SPTLC2: variants seen among roughly 807,000 people sequenced by gnomAD.
SPTLC2 encodes serine palmitoyltransferase long chain base subunit 2, also known as serine palmitoyltransferase 2.
In SPTLC2, 21 loss-of-function variants were observed where a neutral mutation model predicts 62.0. The observed-to-expected ratio is 0.34, with a 90% confidence interval of 0.24 to 0.49. The LOEUF (loss-of-function observed/expected upper bound fraction) is 0.49. SPTLC2 is among the 20% of genes least tolerant of loss of function. SPTLC2 has a pLI of 0.99. For missense variants in SPTLC2, 511 were observed against 713.0 expected (o/e 0.72, Z 3.23); for synonymous variants, 261 against 261.8 (o/e 1.00, Z 0.03).
At chr14:77,590,254 A>G (rs2079808570) in intron 2 of SPTLC2, among the ~76,000 whole-genome samples, 1 of 152,202 alleles carries the variant, frequency 6.6e-6, no homozygotes, top group African/African-American at 2.4e-5. Flanking sequence ...TTGAAATTAC[A>G]GGTGTGAGCT....
rs919689470 is a variant in SPTLC2, at chr14:77,509,627, C to T, written c.*2657G>A. The T allele has an allele frequency of 2.9e-6, 1 of 346,112 alleles. No homozygotes were observed. Among genetic ancestry groups the T allele is most frequent in the South Asian group, 1.5e-4 (1 of 6,522 alleles). The allele number at this position is 346,112 out of a possible 1,614,324, so 21.4% of individuals were successfully genotyped here. On this transcript the variant is annotated 3_prime_UTR_variant, in exon 12 of 12. Transcript: ENST00000216484. Reference sequence around the variant, plus strand: ...ACTACTCTTGTATGCCTCAAATCGACTTATTCTCAATGACTGTATTTATAT... The same window carrying T: ...ACTACTCTTGTATGCCTCAAATCGATTTATTCTCAATGACTGTATTTATAT...
chr14:77,569,625 C>T (rs971869161), intron 5 of SPTLC2, among the ~76,000 whole-genome samples: 2 of 151,130 alleles, frequency 1.3e-5, no homozygotes, highest in African/African-American at 4.9e-5. Context: ...ATATACCATT[C>T]CTAAGTGTCA....
chr14:77,565,282 A>C (rs779142226), intron 5 of SPTLC2, among the ~76,000 whole-genome samples: 1 of 151,190 alleles, frequency 6.6e-6, no homozygotes, highest in Non-Finnish European at 1.5e-5. Flanking sequence ...CACCAAGGTA[A>C]TAACTGCCAC....
intron 5 of SPTLC2, among the ~76,000 whole-genome samples, chr14:77,566,756 G>A (rs1264670860): frequency 6.6e-6 from 1 of 152,046 alleles, no homozygotes; most frequent in East Asian, 1.9e-4. Context: ...CACCGCGCCC[G>A]GCCACAAAAT....
At chr14:77,575,348 T>C (rs998831500) in intron 4 of SPTLC2, among the ~76,000 whole-genome samples, 3 of 152,238 alleles carry the variant, frequency 2.0e-5, no homozygotes, top group Non-Finnish European at 2.9e-5. Context: ...AGAGTTGCTA[T>C]GGAAGATTAA....
intron 9 of SPTLC2, among the ~76,000 whole-genome samples, chr14:77,531,796 G>GCCACTGCAC (rs2079442505): frequency 6.6e-6 from 1 of 152,116 alleles, no homozygotes; most frequent in African/African-American, 2.4e-5. Flanking sequence ...ACAGGCGTGA[G>GCCACTGCAC]CCACTGCACC....
intron 7 of SPTLC2, among the ~76,000 whole-genome samples, chr14:77,555,951 G>A (rs974267004): frequency 2.0e-5 from 3 of 152,098 alleles, no homozygotes; most frequent in Non-Finnish European, 4.4e-5. Context: ...TCTGACAACT[G>A]TATCTGTGGC....
intron 9 of SPTLC2, among the ~76,000 whole-genome samples, chr14:77,548,010 C>G (rs572487887): frequency 6.6e-6 from 1 of 150,996 alleles, no homozygotes; most frequent in South Asian, 2.1e-4. Flanking sequence ...TGAGCCAAAC[C>G]TAGTTTTAAT....
chr14:77,529,620 CTTTTTTTTTTTTT>C (rs71452856), intron 9 of SPTLC2, among the ~76,000 whole-genome samples: 1 of 76,048 alleles, frequency 1.3e-5, no homozygotes, highest in South Asian at 5.7e-4. Context: ...TTCTTTCTTT[CTTTTTTTTTTTTT>C]TTTTTTTTTG....
At chr14:77,579,889 T>G (rs2079738412) in intron 2 of SPTLC2, among the ~76,000 whole-genome samples, 1 of 152,192 alleles carries the variant, frequency 6.6e-6, no homozygotes, top group African/African-American at 2.4e-5. Context: ...TTCATGAATG[T>G]AGAGCACAAG....
Position 77,517,036 on chromosome 14 carries a change from C to T in SPTLC2, c.1569+1002G>A, listed in dbSNP as rs1028830521. On this transcript the variant is annotated intron_variant, in intron 11 of 11. Coordinates refer to ENST00000216484, the MANE Select transcript of SPTLC2 (RefSeq NM_004863.4). The stretch of plus-strand genomic sequence containing the variant: ...CTGAGGCAGGCGGATCACCTGAGGT[C>T]GGGAGTTCGAGACCAGCCTGACCAA... 3.9e-5 allele frequency among the ~76,000 whole-genome samples: 6 copies of T among 152,156 alleles called. No homozygotes were observed. The East Asian group carries it at 7.7e-4, about 20-fold the overall frequency.
At chr14:77,595,770 CT>C (rs760264386) in intron 2 of SPTLC2, among the ~76,000 whole-genome samples, 1 of 152,204 alleles carries the variant, frequency 6.6e-6, no homozygotes, top group Non-Finnish European at 1.5e-5. Context: ...TCAGCGTTGA[CT>C]TTGCTCACCC....
At chr14:77,555,231 A>C (rs1457747880) in intron 8 of SPTLC2, 69 bp downstream of exon 8, 2 of 1,592,914 alleles carry the variant, frequency 1.3e-6, no homozygotes, top group African/African-American at 2.7e-5. Context: ...CCCATCTGCT[A>C]GGCCTGAGGT....
In SPTLC2 at chr14:77,569,378, T is replaced by G. The variant is rs528393272; in HGVS notation, c.756+1006A>C. On this transcript the variant is annotated intron_variant, in intron 5 of 11. Transcript: ENST00000216484. ...TTATCAACACAGGTGGGTTTAAATCTCCTATCTTGCTGTTTGTTTTCTATT... is the reference window on the plus strand; with the variant it reads ...TTATCAACACAGGTGGGTTTAAATCGCCTATCTTGCTGTTTGTTTTCTATT... Among the ~76,000 whole-genome samples, 3 of 152,314 alleles carry G rather than the reference T, an allele frequency of 2.0e-5. No homozygotes were observed. The South Asian group carries it at 6.2e-4, about 32-fold the overall frequency.
At chr14:77,595,186 G>A (rs551290428) in intron 2 of SPTLC2, among the ~76,000 whole-genome samples, 1 of 152,208 alleles carries the variant, frequency 6.6e-6, no homozygotes, top group South Asian at 2.1e-4. Context: ...CCAACATGGT[G>A]AAACCTCGTT....
At position 77,512,207 on chromosome 14, in the gene SPTLC2, G is replaced by A; in HGVS notation, c.*77C>T. 1 of 1,606,914 alleles carries A rather than the reference G, an allele frequency of 6.2e-7. No individual in the cohort carries two copies. The highest frequency in any genetic ancestry group is 8.5e-7 in the Non-Finnish European group (1 of 1,175,628). ...CACGTGAGATGGCCACAGAAGTGTG[G>A]TTCCTGGAACTGGCTCACAAAGGCC... is the stretch of plus-strand genomic sequence containing the variant. On this transcript the variant is annotated 3_prime_UTR_variant, in exon 12 of 12. Coordinates refer to ENST00000216484, the MANE Select transcript of SPTLC2 (RefSeq NM_004863.4).
chr14:77,591,725 TG>T lies in SPTLC2; in HGVS notation c.327+5460del, dbSNP rs1201617188. Among the ~76,000 whole-genome samples, 192 of 102,046 alleles carry T rather than the reference TG, an allele frequency of 1.9e-3. 2 individuals carry two copies. In the East Asian group the frequency reaches 0.094, roughly 50 times the overall value. 66.9% of individuals were successfully genotyped at this position (102,046 alleles called of 152,430 possible). A position where few individuals can be genotyped will look rare whatever the true frequency, so the allele number is the denominator to read the frequency against. On this transcript the variant is annotated intron_variant, in intron 2 of 11. Transcript: ENST00000216484. ...ATGTATGTATGTATGTATGTATGTA[TG>T]TATGTATTTATTTTTAGACGGAGTT...
At chr14:77,528,846 G>A (rs1280905428) in intron 9 of SPTLC2, among the ~76,000 whole-genome samples, 2 of 151,712 alleles carry the variant, frequency 1.3e-5, no homozygotes, top group East Asian at 3.9e-4. Context: ...TTTTTTGTTT[G>A]TTTTTTGAGA....
chr14:77,575,201 C>G (rs2079707952), intron 4 of SPTLC2, among the ~76,000 whole-genome samples: 1 of 152,172 alleles, frequency 6.6e-6, no homozygotes, highest in South Asian at 2.1e-4. Flanking sequence ...GCCTGGGCAA[C>G]AGAGACCCTG....
Sources: allele counts gnomAD v4.1 joint callset (sites outside exome capture counted in the v4.1 genomes callset), GRCh38; gene constraint gnomAD v4.1.1; transcripts MANE v1.5; gene names NCBI Gene and HGNC (gene_info 2026-07-23, HGNC 2026-07-21).